SGCD: variants seen among roughly 807,000 people sequenced by gnomAD.
SGCD encodes the protein sarcoglycan delta, also known as delta-sarcoglycan.
Under a neutral mutation model 36.6 loss-of-function variants are expected in SGCD, and 18 were observed. That is an observed-to-expected ratio of 0.49 (90% CI 0.34 to 0.73). The LOEUF (loss-of-function observed/expected upper bound fraction) is 0.73. Among genes scored for constraint, SGCD ranks in the 30% least tolerant of loss-of-function variants. The probability of loss-of-function intolerance (pLI) is 0.01; values close to 1 mark genes in which losing one functional copy is unlikely to be tolerated. For synonymous variants in SGCD, 133 were observed against 130.6 expected, an observed-to-expected ratio of 1.02 and a Z score of -0.12; for missense variants, 387 against 346.7, an observed-to-expected ratio of 1.12 and a Z score of -0.92.
At chr5:156,150,122 T>A (rs1459008663) in intron 3 of SGCD, among the ~76,000 whole-genome samples, 2 of 152,144 alleles carry the variant, frequency 1.3e-5, no homozygotes. Flanking sequence ...GGCTTTCTTA[T>A]CCTTTAGGAA....
intron 3 of SGCD, among the ~76,000 whole-genome samples, chr5:156,403,831 A>C (rs1772277686): frequency 8.0e-6 from 1 of 125,656 alleles, no homozygotes; most frequent in East Asian, 2.2e-4. Flanking sequence ...ATTCCCTGAC[A>C]TATTTTTTTT....
chr5:156,253,205 G>A (rs1222571808), intron 3 of SGCD, among the ~76,000 whole-genome samples: 1 of 152,138 alleles, frequency 6.6e-6, no homozygotes, highest in African/African-American at 2.4e-5. Context: ...GCCCAGGTGA[G>A]CTGGGATCTG....
intron 3 of SGCD, among the ~76,000 whole-genome samples, chr5:156,157,032 T>C (rs1762978853): frequency 6.6e-6 from 1 of 151,674 alleles, no homozygotes; most frequent in South Asian, 2.1e-4. Flanking sequence ...TTAATGCTTA[T>C]GTGAGCAAAA....
chr5:156,340,029 G>C (rs1241983462), intron 2 of SGCD, among the ~76,000 whole-genome samples: 1 of 152,108 alleles, frequency 6.6e-6, no homozygotes, highest in Non-Finnish European at 1.5e-5. Context: ...AATATTGATG[G>C]TTGTAATGTA....
intron 2 of SGCD, among the ~76,000 whole-genome samples, chr5:156,338,717 A>G (rs1223209618): frequency 6.6e-6 from 1 of 152,136 alleles, no homozygotes; most frequent in African/African-American, 2.4e-5. Context: ...TAGGATTTGC[A>G]TAAAGTTAGC....
chr5:156,074,364 A>G (rs1760700580), intron 1 of SGCD, among the ~76,000 whole-genome samples: 1 of 152,190 alleles, frequency 6.6e-6, no homozygotes, highest in Admixed American at 6.5e-5. Flanking sequence ...AACTGTTGAA[A>G]TACTGAAAGA....
At chr5:155,905,922 T>G (rs1034400973) in intron 1 of SGCD, among the ~76,000 whole-genome samples, 1 of 152,132 alleles carries the variant, frequency 6.6e-6, no homozygotes, top group Non-Finnish European at 1.5e-5. Context: ...GGGAATGTCT[T>G]TATCAGCAGC....
At chr5:156,589,431 T>G in intron 5 of SGCD, 113 bp downstream of exon 5, 2 of 632,758 alleles carry the variant, frequency 3.2e-6, no homozygotes, top group Non-Finnish European at 5.7e-6. Flanking sequence ...GCTAACACAT[T>G]GTTGAGAAAG....
intron 1 of SGCD, among the ~76,000 whole-genome samples, chr5:156,003,813 C>T (rs1399264851): frequency 1.3e-5 from 2 of 152,128 alleles, no homozygotes; most frequent in African/African-American, 2.4e-5. Context: ...TAGATTTTCC[C>T]ATTACTGTTA....
intron 3 of SGCD, among the ~76,000 whole-genome samples, chr5:156,391,673 A>C (rs373573157): frequency 1.3e-5 from 2 of 152,220 alleles, no homozygotes; most frequent in East Asian, 3.8e-4. Flanking sequence ...ACACCATTTT[A>C]TAAGACACTT....
In SGCD at chr5:155,963,551, T is replaced by C. The variant is rs902544693; in HGVS notation, c.-282+93127T>C. On this transcript the variant is annotated intron_variant, in intron 1 of 9. Coordinates refer to the SGCD transcript ENST00000517913. ...TTGAGCAATCACTTCATACTAGGTA[T>C]TGTCCTAATTTTATTCCACGTATTG... Among the ~76,000 whole-genome samples, 13 of 152,088 alleles carry C rather than the reference T, an allele frequency of 8.5e-5. 1 individual carries two copies. Among genetic ancestry groups the C allele is most frequent in the Non-Finnish European group, 1.5e-5 (1 of 67,996 alleles).
chr5:156,529,486 T>C (rs1302910540), intron 4 of SGCD, among the ~76,000 whole-genome samples: 1 of 151,650 alleles, frequency 6.6e-6, no homozygotes, highest in Non-Finnish European at 1.5e-5. Context: ...AAAATCTTTG[T>C]TTTTCTTCAC....
At chr5:156,283,179 G>T (rs930398141) in intron 3 of SGCD, among the ~76,000 whole-genome samples, 1 of 152,170 alleles carries the variant, frequency 6.6e-6, no homozygotes, top group Non-Finnish European at 1.5e-5. Flanking sequence ...AGGAGGATGG[G>T]CAGGGTTTCT....
intron 3 of SGCD, among the ~76,000 whole-genome samples, chr5:156,246,113 C>T (rs1039125192): frequency 6.6e-6 from 1 of 152,138 alleles, no homozygotes; most frequent in Non-Finnish European, 1.5e-5. Flanking sequence ...TGGTTTGTCT[C>T]TATTGTCTGT....
chr5:156,498,111 C>A (rs1756277948), intron 3 of SGCD, among the ~76,000 whole-genome samples: 1 of 152,114 alleles, frequency 6.6e-6, no homozygotes, highest in African/African-American at 2.4e-5. Flanking sequence ...AAATAACAGT[C>A]ATGTTTTACC....
At chr5:156,426,901 T>C (rs1580976102) in intron 3 of SGCD, among the ~76,000 whole-genome samples, 3 of 152,292 alleles carry the variant, frequency 2.0e-5, no homozygotes, top group African/African-American at 4.8e-5. Context: ...CCTTGGTCTG[T>C]GTTCATATTT....
At chr5:156,241,527 A>G (rs897943486) in intron 3 of SGCD, among the ~76,000 whole-genome samples, 2 of 152,162 alleles carry the variant, frequency 1.3e-5, no homozygotes, top group Admixed American at 6.5e-5. Context: ...GAAAGCAGCT[A>G]GGATAGGACA....
chr5:155,944,839 A>G (rs899287353), intron 1 of SGCD, among the ~76,000 whole-genome samples: 4 of 152,128 alleles, frequency 2.6e-5, no homozygotes, highest in African/African-American at 9.7e-5. Context: ...ATCTTTTTGA[A>G]GTTAGGCTAA....
intron 6 of SGCD, among the ~76,000 whole-genome samples, chr5:156,637,141 T>C (rs1254604226): frequency 1.3e-5 from 2 of 152,092 alleles, no homozygotes; most frequent in African/African-American, 4.8e-5. Context: ...TGACATCTGA[T>C]GGTTTTTTAA....
Sources: gnomAD v4.1 joint callset for allele counts (sites outside exome capture counted in the v4.1 genomes callset) on GRCh38, gnomAD v4.1.1 for gene constraint, MANE v1.5 for transcripts, NCBI Gene and HGNC (gene_info 2026-07-23, HGNC 2026-07-21) for gene names.